SORCS2: variants seen among roughly 807,000 people sequenced by gnomAD.
SORCS2 encodes the protein sortilin related VPS10 domain containing receptor 2.
Under a neutral mutation model 141.6 loss-of-function variants are expected in SORCS2, and 100 were observed. That is an observed-to-expected ratio of 0.71 (90% CI 0.60 to 0.83). The LOEUF (loss-of-function observed/expected upper bound fraction) is 0.83, where lower values mean the gene tolerates loss of function less well. Ranked by LOEUF, SORCS2 falls within the 40% of genes least tolerant of loss-of-function variation. The probability of loss-of-function intolerance (pLI) is 0.00; values close to 1 mark genes in which losing one functional copy is unlikely to be tolerated. For synonymous variants in SORCS2, 789 were observed against 676.9 expected (o/e 1.17, Z -2.57); for missense variants, 1,646 against 1,560.2 (o/e 1.05, Z -0.93).
chr4:7,703,555 G>A (rs1025499799), intron 13 of SORCS2, among the ~76,000 whole-genome samples, 184 bp downstream of exon 13: 4 of 152,186 alleles, frequency 2.6e-5, no homozygotes, highest in African/African-American at 7.2e-5. Context: ...CTGAGGGGTC[G>A]TGGAGATGGA....
chr4:7,276,075 A>G (rs1268533481), intron 1 of SORCS2, among the ~76,000 whole-genome samples: 3 of 152,120 alleles, frequency 2.0e-5, no homozygotes, highest in African/African-American at 7.2e-5. Context: ...CTGGAAGGTA[A>G]CACAGGTCCC....
chr4:7,299,470 C>A (rs1210217525), intron 1 of SORCS2, among the ~76,000 whole-genome samples: 1 of 152,238 alleles, frequency 6.6e-6, no homozygotes, highest in Non-Finnish European at 1.5e-5. Flanking sequence ...TGGCCTGGAA[C>A]ATCAAAGAAC....
intron 22 of SORCS2, 93 bp downstream of exon 22, chr4:7,728,555 G>A: frequency 3.4e-6 from 3 of 881,132 alleles, no homozygotes; most frequent in Non-Finnish European, 5.1e-6. Flanking sequence ...GGAAAGGAGA[G>A]GCGGGTGGCA....
At chr4:7,226,121 G>T (rs1485510247) in intron 1 of SORCS2, among the ~76,000 whole-genome samples, 2 of 152,206 alleles carry the variant, frequency 1.3e-5, no homozygotes, top group African/African-American at 4.8e-5. Flanking sequence ...GATCTCCAGG[G>T]ATGGCTTTCC....
At chr4:7,440,865 G>A (rs1202344596) in intron 2 of SORCS2, among the ~76,000 whole-genome samples, 45 of 152,216 alleles carry the variant, frequency 3.0e-4, no homozygotes, top group African/African-American at 4.8e-5. Flanking sequence ...GAGCTGCGGG[G>A]TGAGGGCTGC....
intron 3 of SORCS2, among the ~76,000 whole-genome samples, chr4:7,533,728 G>A (rs775331878): frequency 6.6e-6 from 1 of 152,258 alleles, no homozygotes; most frequent in Non-Finnish European, 1.5e-5. Context: ...CATGGAGACT[G>A]GGTCAGACAG....
At chr4:7,488,885 C>T (rs1402264150) in intron 2 of SORCS2, among the ~76,000 whole-genome samples, 2 of 152,216 alleles carry the variant, frequency 1.3e-5, no homozygotes, top group Non-Finnish European at 2.9e-5. Flanking sequence ...GCTTAAACTT[C>T]TGAGGCAGCT....
At chr4:7,560,363 C>T (rs1321717426) in intron 3 of SORCS2, among the ~76,000 whole-genome samples, 1 of 152,070 alleles carries the variant, frequency 6.6e-6, no homozygotes, top group Non-Finnish European at 1.5e-5. Context: ...TCTGAGGAAT[C>T]CCTCTACTGG....
chr4:7,363,384 A>G (rs1721713951), intron 1 of SORCS2, among the ~76,000 whole-genome samples: 1 of 152,102 alleles, frequency 6.6e-6, no homozygotes, highest in Admixed American at 6.5e-5. Context: ...CACCACCGTC[A>G]TTGCTACCAA....
intron 3 of SORCS2, among the ~76,000 whole-genome samples, chr4:7,593,724 G>A (rs1053124648): frequency 3.3e-5 from 5 of 152,196 alleles, no homozygotes; most frequent in Admixed American, 2.0e-4. Flanking sequence ...TACAGGCAGG[G>A]GTGCCGCTTG....
chr4:7,725,396 G>A, intron 20 of SORCS2, 109 bp downstream of exon 20: 3 of 1,435,090 alleles, frequency 2.1e-6, no homozygotes, highest in South Asian at 2.8e-5. Context: ...CCAGTGTAGG[G>A]TGCACTCCTC....
chr4:7,655,864 CCAGCCAGAGAAAGAAACCGA>C lies in SORCS2; in HGVS notation c.887+1659_887+1678del, dbSNP rs547313177. On this transcript the variant is annotated intron_variant, in intron 5 of 26. Transcript: ENST00000507866. The stretch of plus-strand genomic sequence containing the variant: ...CCAGGCCGGGCTCATGGACAGCTCT[CCAGCCAGAGAAAGAAACCGA>C]CCCACAGCGCCCAGAGGGAAATTGG... Among the ~76,000 whole-genome samples, 227 of 152,320 alleles carry C rather than the reference CCAGCCAGAGAAAGAAACCGA, an allele frequency of 1.5e-3. 1 individual carries two copies. The highest frequency in any genetic ancestry group is 5.0e-3 in the African/African-American group (209 of 41,568).
intron 4 of SORCS2, among the ~76,000 whole-genome samples, chr4:7,639,642 T>G (rs572165631): frequency 6.6e-4 from 100 of 151,570 alleles, no homozygotes; most frequent in Non-Finnish European, 1.1e-3. Flanking sequence ...TGTGGGAGTG[T>G]GTATATGAAT....
intron 1 of SORCS2, among the ~76,000 whole-genome samples, chr4:7,389,894 G>T (rs1201016769): frequency 6.6e-6 from 1 of 152,182 alleles, no homozygotes; most frequent in African/African-American, 2.4e-5. Flanking sequence ...TTCCTGATGA[G>T]GCTGAAGGAC....
chr4:7,193,257 C>G lies in SORCS2; in HGVS notation c.480+131C>G, dbSNP rs896973340. On this transcript the variant is annotated intron_variant, in intron 1 of 26. Coordinates refer to ENST00000507866, the MANE Select transcript of SORCS2 (RefSeq NM_020777.3). The surrounding 1 kb of genome is among the most constrained non-coding windows in gnomAD (Gnocchi z 4.8). ...GGGCGGGTTCTTGGCGACTTGGGCA[C>G]TTGGGTCACCTCGGCCGCGCCCCTA... The G allele has an allele frequency of 4.2e-6, 5 of 1,197,984 alleles. No homozygotes were observed. The highest frequency in any genetic ancestry group is 5.3e-6 in the Non-Finnish European group (5 of 938,086). 74.2% of individuals were successfully genotyped at this position (1,197,984 alleles called of 1,614,324 possible). A position where few individuals can be genotyped will look rare whatever the true frequency, so the allele number is the denominator to read the frequency against.
intron 2 of SORCS2, among the ~76,000 whole-genome samples, chr4:7,408,344 T>G (rs1430641967): frequency 6.6e-6 from 1 of 152,150 alleles, no homozygotes; most frequent in African/African-American, 2.4e-5. Flanking sequence ...GTCTTTCATA[T>G]TTGAAGGATA....
At chr4:7,476,221 G>A (rs1553871813) in intron 2 of SORCS2, among the ~76,000 whole-genome samples, 1 of 152,218 alleles carries the variant, frequency 6.6e-6, no homozygotes, top group Non-Finnish European at 1.5e-5. Context: ...ACAGATGGAG[G>A]GAAGTCGATA....
At chr4:7,366,155 T>G (rs1721870893) in intron 1 of SORCS2, among the ~76,000 whole-genome samples, 1 of 152,102 alleles carries the variant, frequency 6.6e-6, no homozygotes, top group Admixed American at 6.5e-5. Context: ...CTCCTCCTCC[T>G]TGGCAGGCCC....
rs186962134 is a variant in SORCS2, at chr4:7,208,254, G to A, written c.480+15128G>A. On this transcript the variant is annotated intron_variant, in intron 1 of 26. Coordinates refer to ENST00000507866, the MANE Select transcript of SORCS2 (RefSeq NM_020777.3). The stretch of plus-strand genomic sequence containing the variant: ...CTGGGGCAGGTGGGGGTTAGAGACC[G>A]TCCACGGGGCATGTCGGGACTGAAC... 2.5e-3 allele frequency among the ~76,000 whole-genome samples: 377 copies of A among 152,252 alleles called. 8 individuals are homozygous for A. Among genetic ancestry groups the A allele is most frequent in the South Asian group, 1.0e-2 (48 of 4,810 alleles).
Sources: allele counts gnomAD v4.1 joint callset (sites outside exome capture counted in the v4.1 genomes callset), GRCh38; gene constraint gnomAD v4.1.1; non-coding constraint Gnocchi (gnomAD v3.1); transcripts MANE v1.5; gene names NCBI Gene and HGNC (gene_info 2026-07-23, HGNC 2026-07-21).